Variants in ECHS1 observed in about 807,000 individuals in gnomAD.
The protein encoded by ECHS1 is enoyl-CoA hydratase, mitochondrial.
A neutral mutation model predicts 33.5 loss-of-function variants in ECHS1; 19 were observed. The ratio of observed to expected loss-of-function variants is 0.57; its 90% CI spans 0.40 to 0.83. The LOEUF is 0.83. ECHS1 is among the 40% of genes least tolerant of loss of function. The pLI is 0.00. For synonymous variants in ECHS1, 158 were observed against 146.6 expected (o/e 1.08, Z -0.56); for missense variants, 365 against 381.3 (o/e 0.96, Z 0.36).
intron 1 of ECHS1, among the ~76,000 whole-genome samples, chr10:133,371,357 G>C (rs1849106687): frequency 6.6e-6 from 1 of 152,148 alleles, no homozygotes; most frequent in Non-Finnish European, 1.5e-5. Flanking sequence ...AATATGCCTT[G>C]GTCAGCTCTT....
chr10:133,371,547 G>A (rs1849108620), intron 1 of ECHS1: 1 of 154,586 alleles, frequency 6.5e-6, no homozygotes. Flanking sequence ...AAAATCCTGG[G>A]TGTTCCTGCA....
chr10:133,370,242 C>G (rs1008353752), intron 2 of ECHS1, among the ~76,000 whole-genome samples: 1 of 152,230 alleles, frequency 6.6e-6, no homozygotes, highest in Non-Finnish European at 1.5e-5. Flanking sequence ...AGGCAGGCAG[C>G]AGGTGCAAGG....
intron 3 of ECHS1, 87 bp downstream of exon 3, chr10:133,369,817 C>T (rs1414805340): frequency 1.3e-6 from 2 of 1,530,580 alleles, no homozygotes; most frequent in East Asian, 2.3e-5. Flanking sequence ...CTAAAGGCCT[C>T]TTCAAAATAA....
chr10:133,363,341 A>G (rs1848988433), intron 7 of ECHS1, among the ~76,000 whole-genome samples: 1 of 104,350 alleles, frequency 9.6e-6, no homozygotes, highest in South Asian at 3.8e-4. Flanking sequence ...GTGTGTCCCC[A>G]GGTGTGCGCG....
At chr10:133,366,219 C>T (rs1007472895) in intron 5 of ECHS1, 124 bp from the exon 6 acceptor site, 87 of 1,197,278 alleles carry the variant, frequency 7.3e-5, no homozygotes, top group Admixed American at 3.6e-4. Flanking sequence ...TAAGCAAGGG[C>T]GGCTTCCACA....
In ECHS1 at chr10:133,366,270, T is replaced by C. The variant is rs139896979; in HGVS notation, c.620-175A>G. ...GTGCCCCTTCCTGAGTGCTGAGTGA[T>C]CTCGGCACTGCGGTCACTGTGCTCT... On this transcript the variant is annotated intron_variant, in intron 5 of 7. Coordinates refer to ENST00000368547, the MANE Select transcript of ECHS1 (RefSeq NM_004092.4). Among the ~76,000 whole-genome samples, 1,515 of 152,316 alleles carry C rather than the reference T, an allele frequency of 9.9e-3. 9 individuals are homozygous for C. The highest frequency in any genetic ancestry group is 0.016 in the Admixed American group (247 of 15,296).
At position 133,372,684 on chromosome 10, in the gene ECHS1, G is replaced by A. The variant is rs538323750; in HGVS notation, c.88+562C>T. Among the ~76,000 whole-genome samples, 7 of 149,692 alleles carry A rather than the reference G, an allele frequency of 4.7e-5. No individual in the cohort carries two copies. The South Asian group carries it at 1.5e-3, about 32-fold the overall frequency. ...GGCCTCCTGCAGAGCCAGGCAGGGG[G>A]TGGGGGTGCGGGCCAGGGTCAGGTG... On this transcript the variant is annotated intron_variant, in intron 1 of 7. Coordinates refer to ENST00000368547, the MANE Select transcript of ECHS1 (RefSeq NM_004092.4).
chr10:133,367,697 C>T (rs1849051230), intron 4 of ECHS1, among the ~76,000 whole-genome samples: 1 of 151,652 alleles, frequency 6.6e-6, no homozygotes, highest in Admixed American at 6.6e-5. Flanking sequence ...GGTGCTTCAA[C>T]GATCACACTC....
chr10:133,370,425 A>T, intron 2 of ECHS1, 135 bp downstream of exon 2: 1 of 1,007,164 alleles, frequency 9.9e-7, no homozygotes, highest in African/African-American at 1.6e-5. Context: ...GACCGTCTTC[A>T]CTCGATATTT....
chr10:133,367,962 G>A (rs3975639), intron 4 of ECHS1, among the ~76,000 whole-genome samples: 389 of 151,786 alleles, frequency 2.6e-3, no homozygotes, highest in Non-Finnish European at 3.6e-3. Flanking sequence ...CTGCCCCCTC[G>A]TCCTGTATGC....
In ECHS1 at chr10:133,373,191, G is replaced by T. The variant is rs1367446515; in HGVS notation, c.88+55C>A. 2.2e-5 allele frequency: 29 copies of T among 1,341,744 alleles called. No homozygotes were observed. The South Asian group carries it at 3.6e-4, about 17-fold the overall frequency. 83.1% of individuals were successfully genotyped at this position (1,341,744 alleles called of 1,614,324 possible). A position where few individuals can be genotyped will look rare whatever the true frequency, so the allele number is the denominator to read the frequency against. On this transcript the variant is annotated intron_variant, in intron 1 of 7. Transcript: ENST00000368547. ...GTGCGGTCTGGGATCTGGTCTGGGC[G>T]TGCAGGTCGGAGTCAGGAGGAGATT...
At chr10:133,370,511 G>C in intron 2 of ECHS1, 49 bp downstream of exon 2, 1 of 1,454,038 alleles carries the variant, frequency 6.9e-7, no homozygotes, top group Non-Finnish European at 9.1e-7. Context: ...AAGGCCATAC[G>C]TGCCTCCCAC....
intron 1 of ECHS1, among the ~76,000 whole-genome samples, chr10:133,371,003 C>T (rs769265433): frequency 6.6e-5 from 10 of 152,218 alleles, no homozygotes; most frequent in Middle Eastern, 3.2e-3. Flanking sequence ...CCGGGCCGGG[C>T]GCGGTGGCTC....
At chr10:133,369,130 G>T in intron 3 of ECHS1, 108 bp from the exon 4 acceptor site, 1 of 970,912 alleles carries the variant, frequency 1.0e-6, no homozygotes. Context: ...TTGGGGGTAT[G>T]ACAAAGACTA....
intron 5 of ECHS1, among the ~76,000 whole-genome samples, chr10:133,366,491 T>C (rs1371643306): frequency 6.6e-6 from 1 of 152,270 alleles, no homozygotes; most frequent in East Asian, 1.9e-4. Flanking sequence ...CTTCCGTACA[T>C]ACAGTACTTC....
chr10:133,367,305 T>C (rs956053651), intron 4 of ECHS1, among the ~76,000 whole-genome samples: 4 of 151,928 alleles, frequency 2.6e-5, no homozygotes, highest in Non-Finnish European at 1.5e-5. Context: ...ACAAATTAGA[T>C]ATAGAGATGA....
At chr10:133,365,837 A>G in intron 6 of ECHS1, 139 bp downstream of exon 6, 2 of 1,055,600 alleles carry the variant, frequency 1.9e-6, no homozygotes, top group Non-Finnish European at 2.8e-6. Context: ...CTCTACAGAC[A>G]GCAGAACTGA....
intron 4 of ECHS1, 40 bp downstream of exon 4, chr10:133,368,883 T>G (rs555938321): frequency 1.1e-5 from 18 of 1,582,896 alleles, no homozygotes; most frequent in Non-Finnish European, 1.6e-5. Context: ...TTTGAGTAAT[T>G]ACCTAAGGCA....
intron 2 of ECHS1, 37 bp downstream of exon 2, chr10:133,370,523 T>C (rs1054989458): frequency 6.8e-6 from 10 of 1,474,416 alleles, no homozygotes; most frequent in Non-Finnish European, 9.0e-6. Flanking sequence ...GCCTCCCACA[T>C]CTGCCCAGAC....
Sources: gnomAD v4.1 joint callset for allele counts (sites outside exome capture counted in the v4.1 genomes callset) on GRCh38, gnomAD v4.1.1 for gene constraint, MANE v1.5 for transcripts, NCBI Gene and HGNC (gene_info 2026-07-23, HGNC 2026-07-21) for gene names.